The following TRPM8 variants were observed in gnomAD, a reference collection of about 807,000 sequenced individuals.
The protein encoded by TRPM8 is transient receptor potential cation channel subfamily M member 8, also known as TRPM8 cationic channel.
Under a neutral mutation model 133.7 loss-of-function variants are expected in TRPM8, and 110 were observed. That is an observed-to-expected ratio of 0.82 (90% confidence interval 0.70 to 0.96). The LOEUF (loss-of-function observed/expected upper bound fraction) is 0.96. Among genes scored for constraint, TRPM8 ranks in the 40% least tolerant of loss-of-function variants. The pLI, the probability that TRPM8 is intolerant of heterozygous loss-of-function variation, is 0.00. For synonymous variants in TRPM8, 535 were observed against 532.3 expected, an observed-to-expected ratio of 1.01 and a Z score of -0.07; for missense variants, 1,291 against 1,379.5, an observed-to-expected ratio of 0.94 and a Z score of 1.02.
At position 233,980,247 on chromosome 2, in the gene TRPM8, G is replaced by C. The variant is rs1691973080; in HGVS notation, c.2415G>C (p.Gly805=). The change falls in exon 18 of 26, where the codon GGG becomes GGC. Residue 805 remains glycine (G), a synonymous_variant. Coordinates refer to ENST00000324695, the MANE Select transcript of TRPM8 (RefSeq NM_024080.5). ...TGTGGAATGTGATGGACACGCTGGG[G>C]CTTTTTTACTTCATAGCAGGAATTG... ...TDLWNVMDTL[G]LFYFIAGIVF... 1 of 1,600,322 alleles carries C rather than the reference G, an allele frequency of 6.2e-7. No individual in the cohort carries two copies. The highest frequency in any genetic ancestry group is 8.5e-7 in the Non-Finnish European group (1 of 1,175,866).
chr2:234,002,435 A>G (rs1380709604), intron 22 of TRPM8, among the ~76,000 whole-genome samples: 1 of 152,196 alleles, frequency 6.6e-6, no homozygotes, highest in African/African-American at 2.4e-5. Flanking sequence ...CTACAGTGCA[A>G]GAAATGGTGA....
At chr2:233,926,052 A>G (rs1253173005) in intron 1 of TRPM8, among the ~76,000 whole-genome samples, 2 of 152,154 alleles carry the variant, frequency 1.3e-5, no homozygotes, top group Non-Finnish European at 2.9e-5. Flanking sequence ...ACCACCCTTC[A>G]GGGGCAGGGG....
intron 1 of TRPM8, among the ~76,000 whole-genome samples, chr2:233,925,245 C>CT (rs1167052611): frequency 1.3e-3 from 205 of 152,368 alleles, no homozygotes; most frequent in Admixed American, 0.013. Context: ...ATATGCAGAT[C>CT]TCCTTTATGC....
At chr2:233,961,509 T>C (rs1382107042) in intron 12 of TRPM8, among the ~76,000 whole-genome samples, 2 of 152,214 alleles carry the variant, frequency 1.3e-5, no homozygotes, top group African/African-American at 4.8e-5. Flanking sequence ...TTTCACCATG[T>C]TGGCCAGGCT....
At chr2:233,964,869 C>T (rs779623428) in intron 14 of TRPM8, 112 bp downstream of exon 14, 153 of 1,199,250 alleles carry the variant, frequency 1.3e-4, no homozygotes, top group Non-Finnish European at 1.6e-4. Flanking sequence ...GTCCAAGCTC[C>T]CCAGTCTGAT....
chr2:233,921,316 C>A (rs1056719830), intron 1 of TRPM8, among the ~76,000 whole-genome samples: 1 of 152,150 alleles, frequency 6.6e-6, no homozygotes, highest in Non-Finnish European at 1.5e-5. Flanking sequence ...TACAATCACC[C>A]CATCCTCCTC....
chr2:233,997,002 C>T (rs1173114677), intron 22 of TRPM8, among the ~76,000 whole-genome samples: 1 of 152,162 alleles, frequency 6.6e-6, no homozygotes, highest in Non-Finnish European at 1.5e-5. Context: ...TGGTGGCTCA[C>T]GCCTGTAATC....
At chr2:233,938,620 G>A (rs1690822522) in intron 4 of TRPM8, among the ~76,000 whole-genome samples, 2 of 152,114 alleles carry the variant, frequency 1.3e-5, no homozygotes, top group South Asian at 4.1e-4. Flanking sequence ...GGGCTTCCAG[G>A]TCATAAGTAG....
At chr2:233,951,506 A>C (rs1408642331) in intron 9 of TRPM8, among the ~76,000 whole-genome samples, 2 of 152,194 alleles carry the variant, frequency 1.3e-5, no homozygotes, top group Non-Finnish European at 2.9e-5. Flanking sequence ...GGTCTTGACC[A>C]GGCCATGTCC....
chr2:233,973,493 C>T (rs1401995269), intron 17 of TRPM8, among the ~76,000 whole-genome samples: 1 of 152,198 alleles, frequency 6.6e-6, no homozygotes, highest in Non-Finnish European at 1.5e-5. Flanking sequence ...GTGTCCAAAT[C>T]TCCGCTCTCC....
chr2:233,951,857 A>G (rs1574716718), intron 9 of TRPM8, among the ~76,000 whole-genome samples: 1 of 152,182 alleles, frequency 6.6e-6, no homozygotes, highest in Non-Finnish European at 1.5e-5. Flanking sequence ...GAATGTATAC[A>G]TTCAGGCAAA....
chr2:233,930,528 G>C, intron 2 of TRPM8, 140 bp from the exon 3 acceptor site: 1 of 582,760 alleles, frequency 1.7e-6, no homozygotes, highest in Non-Finnish European at 2.9e-6. Context: ...CTAAAGGCAT[G>C]AACAAATGCT....
rs569867964 is a variant in TRPM8 at position 233,989,704 on chromosome 2, A to G, written c.2939+3839A>G. On this transcript the variant is annotated intron_variant, in intron 21 of 25. Transcript: ENST00000324695. The surrounding 1 kb of genome is among the most constrained non-coding windows in gnomAD (Gnocchi z 4.2). ...CTGCAATGCAAATGTACCTTTGGGA[A>G]TTCTGAAGGAGTATTGGAGTGCTCT... Among the ~76,000 whole-genome samples the G allele has an allele frequency of 2.9e-4, 44 of 152,324 alleles. 1 individual carries two copies. The South Asian group carries it at 8.7e-3, about 30-fold the overall frequency.
intron 24 of TRPM8, among the ~76,000 whole-genome samples, chr2:234,012,684 T>C (rs1692872102): frequency 6.6e-6 from 1 of 152,212 alleles, no homozygotes; most frequent in Non-Finnish European, 1.5e-5. Context: ...TGCCTTATTC[T>C]TGATCTTAGA....
chr2:233,937,540 A>G, intron 4 of TRPM8, 31 bp downstream of exon 4: 1 of 1,598,152 alleles, frequency 6.3e-7, no homozygotes, highest in Non-Finnish European at 8.5e-7. Context: ...TTGGCAGCTA[A>G]TTCATAGGCC....
chr2:233,987,555 G>A (rs1692175020), intron 21 of TRPM8, among the ~76,000 whole-genome samples: 1 of 152,180 alleles, frequency 6.6e-6, no homozygotes, highest in Admixed American at 6.5e-5. Context: ...CATAGCAAAG[G>A]GGCTGAGCAG....
At chr2:233,934,851 A>G (rs1691757859) in intron 3 of TRPM8, among the ~76,000 whole-genome samples, 1 of 152,214 alleles carries the variant, frequency 6.6e-6, no homozygotes, top group South Asian at 2.1e-4. Flanking sequence ...TTCTGCTCCT[A>G]TTGTGTTTTT....
intron 17 of TRPM8, among the ~76,000 whole-genome samples, chr2:233,979,276 G>A (rs1691947454): frequency 1.3e-5 from 2 of 152,150 alleles, no homozygotes; most frequent in African/African-American, 4.8e-5. Flanking sequence ...CGATCTTCGT[G>A]TCGTTTCTTT....
intron 6 of TRPM8, among the ~76,000 whole-genome samples, chr2:233,945,170 CACCTTT>C (rs1374498528): frequency 6.6e-6 from 1 of 152,132 alleles, no homozygotes; most frequent in Non-Finnish European, 1.5e-5. Context: ...AAGATTGAAA[CACCTTT>C]TAATGCAACG....
Sources: gnomAD v4.1 joint callset for allele counts (sites outside exome capture counted in the v4.1 genomes callset) on GRCh38, gnomAD v4.1.1 for gene constraint, Gnocchi (gnomAD v3.1) non-coding constraint, MANE v1.5 for transcripts, NCBI Gene and HGNC (gene_info 2026-07-23, HGNC 2026-07-21) for gene names.